Variants in SRD5A2 observed in about 807,000 individuals in gnomAD.
SRD5A2 encodes 3-oxo-5-alpha-steroid 4-dehydrogenase 2.
A neutral mutation model predicts 27.4 loss-of-function variants in SRD5A2; 30 were observed. The ratio of observed to expected loss-of-function variants is 1.10; its 90% CI spans 0.82 to 1.49. The LOEUF (loss-of-function observed/expected upper bound fraction) is 1.49. SRD5A2 is among the 40% of genes most tolerant of loss of function. SRD5A2 has a pLI of 0.00. For synonymous variants in SRD5A2, 141 were observed against 133.6 expected (o/e 1.06, Z -0.38); for missense variants, 348 against 323.4 (o/e 1.08, Z -0.58).
the SRD5A2 span, among the ~76,000 whole-genome samples, chr2:31,629,781 G>C: frequency 2.0e-5 from 3 of 152,024 alleles, no homozygotes; most frequent in Non-Finnish European, 4.4e-5. Flanking sequence ...TTACCTCCTG[G>C]GTTCCGACCA....
intron 1 of SRD5A2, among the ~76,000 whole-genome samples, chr2:31,534,215 C>G (rs538983489): frequency 4.7e-4 from 72 of 152,128 alleles, no homozygotes; most frequent in Non-Finnish European, 8.8e-5. Context: ...TCTGATAATC[C>G]TAGTTTTCTA....
At chr2:31,647,250 C>T in the SRD5A2 span, among the ~76,000 whole-genome samples, 1 of 152,150 alleles carries the variant, frequency 6.6e-6, no homozygotes, top group Non-Finnish European at 1.5e-5. Context: ...TGTATTCAAT[C>T]CAGGAATCTT....
intron 4 of SRD5A2, among the ~76,000 whole-genome samples, chr2:31,526,769 G>T (rs2148061240): frequency 6.6e-6 from 1 of 152,192 alleles, no homozygotes; most frequent in African/African-American, 2.4e-5. Flanking sequence ...CAAAAGATAT[G>T]TTGAAGTCCT....
the SRD5A2 span, among the ~76,000 whole-genome samples, chr2:31,614,390 T>C: frequency 6.6e-6 from 1 of 152,256 alleles, no homozygotes; most frequent in Non-Finnish European, 1.5e-5. Flanking sequence ...ATCTAGGTCA[T>C]GCTGATGCAA....
chr2:31,540,810 C>T (rs1449699089), intron 1 of SRD5A2, among the ~76,000 whole-genome samples: 1 of 152,228 alleles, frequency 6.6e-6, no homozygotes, highest in African/African-American at 2.4e-5. Flanking sequence ...ATTCCTGCAG[C>T]AGCTTGTTGC....
At chr2:31,615,861 T>A in the SRD5A2 span, among the ~76,000 whole-genome samples, 2 of 152,188 alleles carry the variant, frequency 1.3e-5, no homozygotes, top group Admixed American at 1.3e-4. Flanking sequence ...CACCCTGCTG[T>A]GTGCAGCCTA....
chr2:31,637,220 A>G, the SRD5A2 span, among the ~76,000 whole-genome samples: 40 of 152,154 alleles, frequency 2.6e-4, no homozygotes, highest in East Asian at 7.3e-3. Flanking sequence ...ATGTCCAGGA[A>G]TTTATCCATT....
At chr2:31,541,527 C>A (rs571825255) in intron 1 of SRD5A2, among the ~76,000 whole-genome samples, 1 of 152,194 alleles carries the variant, frequency 6.6e-6, no homozygotes, top group African/African-American at 2.4e-5. Flanking sequence ...GCAAGATGGC[C>A]AAACTGAACC....
chr2:31,533,198 C>T (rs1356945458), intron 2 of SRD5A2, among the ~76,000 whole-genome samples: 1 of 152,132 alleles, frequency 6.6e-6, no homozygotes, highest in East Asian at 1.9e-4. Context: ...GCAGAGGGAA[C>T]AGTCCTATAC....
chr2:31,654,137 T>C, the SRD5A2 span, among the ~76,000 whole-genome samples: 1 of 148,802 alleles, frequency 6.7e-6, no homozygotes, highest in Non-Finnish European at 1.5e-5. Flanking sequence ...AGCAAAAACA[T>C]ACAGTTCCAG....
At chr2:31,570,896 T>C (rs905320243) in intron 1 of SRD5A2, among the ~76,000 whole-genome samples, 9 of 152,124 alleles carry the variant, frequency 5.9e-5, no homozygotes, top group African/African-American at 2.2e-4. Context: ...CAGAAAAACA[T>C]TCCATGCTCA....
At chr2:31,633,822 C>T in the SRD5A2 span, among the ~76,000 whole-genome samples, 2 of 152,166 alleles carry the variant, frequency 1.3e-5, no homozygotes, top group African/African-American at 2.4e-5. Flanking sequence ...ACCACATCCA[C>T]CTTTAAACAC....
chr2:31,539,436 A>G (rs1572634886), intron 1 of SRD5A2, among the ~76,000 whole-genome samples: 1 of 152,078 alleles, frequency 6.6e-6, no homozygotes, highest in African/African-American at 2.4e-5. Context: ...GCTCACTCTC[A>G]CCCCACTAGC....
At chr2:31,582,089 T>G (rs560880634), upstream of SRD5A2, among the ~76,000 whole-genome samples, 8 of 152,192 alleles carry the variant, frequency 5.3e-5, no homozygotes, top group Non-Finnish European at 1.2e-4. Flanking sequence ...TCTTTCATCT[T>G]CCTGTCCCAT....
At chr2:31,614,116 A>G in the SRD5A2 span, among the ~76,000 whole-genome samples, 1 of 152,184 alleles carries the variant, frequency 6.6e-6, no homozygotes, top group Non-Finnish European at 1.5e-5. Context: ...GTAATAATTC[A>G]TTTCAGCATT....
At chr2:31,626,817 A>AT in the SRD5A2 span, among the ~76,000 whole-genome samples, 2,426 of 150,494 alleles carry the variant, frequency 0.016, 44 homozygotes, top group South Asian at 0.044. Flanking sequence ...CTAAAATTCT[A>AT]TTTTTTTTTG....
the SRD5A2 span, among the ~76,000 whole-genome samples, chr2:31,585,989 G>A: frequency 6.6e-6 from 1 of 152,128 alleles, no homozygotes; most frequent in African/African-American, 2.4e-5. Flanking sequence ...GGGAAAGACT[G>A]TGTTTTGTGG....
At chr2:31,622,248 G>T in the SRD5A2 span, among the ~76,000 whole-genome samples, 4 of 152,056 alleles carry the variant, frequency 2.6e-5, no homozygotes, top group Non-Finnish European at 5.9e-5. Flanking sequence ...GTGTTAGTTT[G>T]CTGAGGATAA....
At chr2:31,659,270 A>G in the SRD5A2 span, among the ~76,000 whole-genome samples, 1 of 152,182 alleles carries the variant, frequency 6.6e-6, no homozygotes, top group Non-Finnish European at 1.5e-5. Flanking sequence ...GAAAACCAGA[A>G]TAAGACAAGG....
Sources: allele counts gnomAD v4.1 joint callset (sites outside exome capture counted in the v4.1 genomes callset), GRCh38; gene constraint gnomAD v4.1.1; transcripts MANE v1.5; gene names NCBI Gene and HGNC (gene_info 2026-07-23, HGNC 2026-07-21).